The following ROBO1 variants were observed in gnomAD, a reference collection of about 807,000 sequenced individuals.
ROBO1 encodes roundabout homolog 1.
In ROBO1, 149 loss-of-function variants were observed where a neutral mutation model predicts 195.9. The observed-to-expected ratio is 0.76, with a 90% CI of 0.67 to 0.87. The LOEUF (loss-of-function observed/expected upper bound fraction) is 0.87, where lower values mean the gene tolerates loss of function less well. Among genes scored for constraint, ROBO1 ranks in the 40% least tolerant of loss-of-function variants. ROBO1 has a pLI of 0.00. For missense variants in ROBO1, 1,933 were observed against 2,068.3 expected (o/e 0.93, Z 1.27); for synonymous variants, 816 against 733.2 (o/e 1.11, Z -1.82).
chr3:79,704,884 T>A (rs146616286), intron 1 of ROBO1, among the ~76,000 whole-genome samples: 303 of 152,132 alleles, frequency 2.0e-3, no homozygotes, highest in African/African-American at 6.9e-3. Context: ...ACCATATGAA[T>A]GGGTGTATAG....
chr3:79,118,881 A>T (rs1046177591), intron 3 of ROBO1, among the ~76,000 whole-genome samples: 7 of 151,062 alleles, frequency 4.6e-5, no homozygotes, highest in African/African-American at 1.2e-4. Flanking sequence ...AAAAAAAAAA[A>T]TTTGAAGCAA....
At chr3:79,717,938 C>T (rs2107275213) in intron 1 of ROBO1, among the ~76,000 whole-genome samples, 1 of 152,004 alleles carries the variant, frequency 6.6e-6, no homozygotes, top group South Asian at 2.1e-4. Context: ...GATTTTTGGA[C>T]AGTCCCACCA....
intron 4 of ROBO1, among the ~76,000 whole-genome samples, chr3:78,866,155 A>T (rs1374560784): frequency 6.6e-6 from 1 of 152,218 alleles, no homozygotes; most frequent in East Asian, 1.9e-4. Flanking sequence ...TATACTTGTA[A>T]TTGTCAGTCT....
At chr3:79,717,585 C>T (rs1375849078) in intron 1 of ROBO1, among the ~76,000 whole-genome samples, 1 of 151,870 alleles carries the variant, frequency 6.6e-6, no homozygotes, top group Non-Finnish European at 1.5e-5. Context: ...ATCATTTTCC[C>T]CAAATGTTTC....
intron 2 of ROBO1, among the ~76,000 whole-genome samples, chr3:79,311,532 G>A (rs1188189363): frequency 6.6e-6 from 1 of 152,030 alleles, no homozygotes; most frequent in African/African-American, 2.4e-5. Context: ...AATACTATAA[G>A]CATGCTGTCA....
Position 79,700,315 on chromosome 3 carries a change from GTT to G in ROBO1, c.-51+67435_-51+67436del, listed in dbSNP as rs71630133. On this transcript the variant is annotated intron_variant, in intron 1 of 30. Coordinates refer to ENST00000464233, the MANE Select transcript of ROBO1 (RefSeq NM_002941.4). ...TGTGTGTGTGTGTTTGTGTGTGTGTGTTTGTGTGTGTGTGTGTGTGTGTGTGT... is the reference window on the plus strand; with the variant it reads ...TGTGTGTGTGTGTTTGTGTGTGTGTGTGTGTGTGTGTGTGTGTGTGTGTGT... 9.8e-3 allele frequency among the ~76,000 whole-genome samples: 950 copies of G among 97,184 alleles called. 6 individuals are homozygous for G. Among genetic ancestry groups the G allele is most frequent in the African/African-American group, 0.034 (883 of 25,978 alleles). The allele number at this position is 97,184 out of a possible 152,430, so 63.8% of individuals were successfully genotyped here.
chr3:79,228,439 A>C (rs2082264738), intron 2 of ROBO1, among the ~76,000 whole-genome samples: 1 of 152,162 alleles, frequency 6.6e-6, no homozygotes, highest in Admixed American at 6.5e-5. Flanking sequence ...GGACAATAAA[A>C]ATTTAAAACC....
At chr3:79,365,769 T>C (rs558218468) in intron 2 of ROBO1, among the ~76,000 whole-genome samples, 50 of 151,558 alleles carry the variant, frequency 3.3e-4, no homozygotes, top group African/African-American at 7.3e-4. Flanking sequence ...TGGTGGCGGG[T>C]GCCTGTAGTC....
chr3:78,927,389 T>C (rs2039281518), intron 4 of ROBO1, among the ~76,000 whole-genome samples: 2 of 152,190 alleles, frequency 1.3e-5, no homozygotes, highest in South Asian at 4.1e-4. Flanking sequence ...GTATGAAATA[T>C]TACACAAAAT....
intron 1 of ROBO1, among the ~76,000 whole-genome samples, chr3:79,604,950 C>T (rs1560031091): frequency 6.6e-6 from 1 of 151,962 alleles, no homozygotes; most frequent in Non-Finnish European, 1.5e-5. Context: ...CATTTACTGC[C>T]AAGTTTAGTT....
intron 2 of ROBO1, among the ~76,000 whole-genome samples, chr3:79,479,911 T>G (rs1938747206): frequency 6.6e-6 from 1 of 152,206 alleles, no homozygotes; most frequent in Non-Finnish European, 1.5e-5. Flanking sequence ...TCAGGCCACC[T>G]TAACATGGAA....
At chr3:79,662,900 C>T (rs1318226770) in intron 1 of ROBO1, among the ~76,000 whole-genome samples, 3 of 151,828 alleles carry the variant, frequency 2.0e-5, no homozygotes, top group African/African-American at 7.3e-5. Flanking sequence ...ATAACAAGGT[C>T]TTTTGACAGA....
intron 4 of ROBO1, among the ~76,000 whole-genome samples, chr3:78,887,693 C>G (rs1292519913): frequency 6.6e-6 from 1 of 152,116 alleles, no homozygotes; most frequent in Non-Finnish European, 1.5e-5. Context: ...GCCTCATCTA[C>G]TAACGAAGGG....
chr3:79,078,153 A>G (rs373937971), intron 3 of ROBO1, among the ~76,000 whole-genome samples: 1 of 151,852 alleles, frequency 6.6e-6, no homozygotes, highest in Non-Finnish European at 1.5e-5. Context: ...ATTTTCTGTC[A>G]TAATCAGCTT....
At chr3:78,965,663 C>G (rs1234394051) in intron 3 of ROBO1, among the ~76,000 whole-genome samples, 3 of 151,708 alleles carry the variant, frequency 2.0e-5, no homozygotes, top group South Asian at 4.2e-4. Flanking sequence ...TAATCAGAAG[C>G]ATTTTTAATA....
At chr3:79,416,472 T>G (rs1359523930) in intron 2 of ROBO1, among the ~76,000 whole-genome samples, 1 of 148,664 alleles carries the variant, frequency 6.7e-6, no homozygotes, top group South Asian at 2.1e-4. Flanking sequence ...CAACAAAAAA[T>G]TAGCCAGGTG....
intron 8 of ROBO1, among the ~76,000 whole-genome samples, chr3:78,695,142 C>A (rs906462886): frequency 6.7e-6 from 1 of 149,992 alleles, no homozygotes; most frequent in African/African-American, 2.5e-5. Context: ...GGGGGGAGGA[C>A]TAGCATTAGG....
At chr3:79,551,754 G>A (rs376732060) in intron 2 of ROBO1, among the ~76,000 whole-genome samples, 1 of 151,808 alleles carries the variant, frequency 6.6e-6, no homozygotes, top group Non-Finnish European at 1.5e-5. Context: ...ATGTGACAAA[G>A]TAAATGTAGA....
rs186092809 is a variant in ROBO1 at position 79,409,671 on chromosome 3, A to G, written c.88+180153T>C. Among the ~76,000 whole-genome samples, 1,158 of 152,222 alleles carry G rather than the reference A, an allele frequency of 7.6e-3. 5 individuals carry two copies. Among genetic ancestry groups the G allele is most frequent in the Non-Finnish European group, 0.013 (899 of 67,998 alleles). On this transcript the variant is annotated intron_variant, in intron 2 of 30. Coordinates refer to ENST00000464233, the MANE Select transcript of ROBO1 (RefSeq NM_002941.4). ...CCCATGACTCAATTTTGTGTTTCCCAAAGATTTATTTGAATAGGAAAAGGT... is the reference window on the plus strand; with the variant it reads ...CCCATGACTCAATTTTGTGTTTCCCGAAGATTTATTTGAATAGGAAAAGGT...
Sources: allele counts gnomAD v4.1 joint callset (sites outside exome capture counted in the v4.1 genomes callset), GRCh38; gene constraint gnomAD v4.1.1; transcripts MANE v1.5; gene names NCBI Gene and HGNC (gene_info 2026-07-23, HGNC 2026-07-21).